ROBO1: variants seen among roughly 807,000 people sequenced by gnomAD.
The protein encoded by ROBO1 is roundabout homolog 1.
Under a neutral mutation model 195.9 loss-of-function variants are expected in ROBO1, and 149 were observed. The ratio of observed to expected loss-of-function variants is 0.76; its 90% confidence interval spans 0.67 to 0.87. The LOEUF (loss-of-function observed/expected upper bound fraction) is 0.87. Among genes scored for constraint, ROBO1 ranks in the 40% least tolerant of loss-of-function variants. The pLI is 0.00. For synonymous variants in ROBO1, 816 were observed against 733.2 expected, an observed-to-expected ratio of 1.11 and a Z score of -1.82; for missense variants, 1,933 against 2,068.3, an observed-to-expected ratio of 0.93 and a Z score of 1.27.
intron 3 of ROBO1, among the ~76,000 whole-genome samples, chr3:78,942,549 T>C (rs1033065820): frequency 2.6e-5 from 4 of 151,838 alleles, no homozygotes; most frequent in Non-Finnish European, 5.9e-5. Flanking sequence ...AGAGTGAAAT[T>C]TGGTAAAAGG....
intron 3 of ROBO1, among the ~76,000 whole-genome samples, chr3:78,957,200 AC>A (rs1430071767): frequency 4.0e-5 from 6 of 151,562 alleles, no homozygotes; most frequent in Admixed American, 4.0e-4. Flanking sequence ...ATAAAATTGA[AC>A]CTTTGTTAAC....
At chr3:78,674,113 T>A (rs141915480) in intron 10 of ROBO1, among the ~76,000 whole-genome samples, 124 of 152,306 alleles carry the variant, frequency 8.1e-4, no homozygotes, top group African/African-American at 2.2e-3. Context: ...TTATACATTA[T>A]GTAGTAATCA....
chr3:79,569,161 A>G (rs1943191245), intron 2 of ROBO1, among the ~76,000 whole-genome samples: 1 of 152,168 alleles, frequency 6.6e-6, no homozygotes, highest in African/African-American at 2.4e-5. Flanking sequence ...CGATTTGTTT[A>G]AAGTTCAAAG....
Position 79,472,833 on chromosome 3 carries a change from TG to T in ROBO1, c.88+116990del, listed in dbSNP as rs139384698. On this transcript the variant is annotated intron_variant, in intron 2 of 30. Transcript: ENST00000464233. ...AAGGAATATTATAATAATTAAGGTT[TG>T]ATGGCTTAGAATTTACTATCGTGAG... Among the ~76,000 whole-genome samples the T allele has an allele frequency of 9.6e-4, 146 of 152,240 alleles. 1 individual carries two copies. Among genetic ancestry groups the T allele is most frequent in the African/African-American group, 3.4e-3 (141 of 41,558 alleles).
rs145691360 is a variant in ROBO1, at chr3:79,624,429, C to T, written c.-50-34468G>A. 4.0e-3 allele frequency among the ~76,000 whole-genome samples: 611 copies of T among 152,078 alleles called. 5 individuals carry two copies. Among genetic ancestry groups the T allele is most frequent in the Middle Eastern group, 0.031 (9 of 294 alleles). ...AATTGGATACAGATTTAAGACCCATCGGTATGCTGTATTCAGGAGACACAC... is the reference window on the plus strand; with the variant it reads ...AATTGGATACAGATTTAAGACCCATTGGTATGCTGTATTCAGGAGACACAC... On this transcript the variant is annotated intron_variant, in intron 1 of 30. Coordinates refer to ENST00000464233, the MANE Select transcript of ROBO1 (RefSeq NM_002941.4).
intron 8 of ROBO1, among the ~76,000 whole-genome samples, chr3:78,697,179 A>G (rs1309457379): frequency 1.3e-5 from 2 of 149,552 alleles, no homozygotes; most frequent in African/African-American, 4.9e-5. Context: ...AAGAATATAC[A>G]TTGCTCAGAC....
At chr3:78,600,577 TATC>T (rs372684138) in intron 29 of ROBO1, among the ~76,000 whole-genome samples, 1 of 152,172 alleles carries the variant, frequency 6.6e-6, no homozygotes, top group African/African-American at 2.4e-5. Context: ...TACAGACCAA[TATC>T]ATTAAAAGAG....
chr3:79,299,630 T>C (rs1398988900), intron 2 of ROBO1, among the ~76,000 whole-genome samples: 1 of 152,136 alleles, frequency 6.6e-6, no homozygotes, highest in Non-Finnish European at 1.5e-5. Flanking sequence ...TTGGAGGAAA[T>C]ATTCTGCCTG....
chr3:79,078,343 G>C (rs960871186), intron 3 of ROBO1, among the ~76,000 whole-genome samples: 1 of 151,720 alleles, frequency 6.6e-6, no homozygotes, highest in Non-Finnish European at 1.5e-5. Flanking sequence ...AATATATGTA[G>C]GTTGTACCCT....
At chr3:79,648,637 T>C (rs989965897) in intron 1 of ROBO1, among the ~76,000 whole-genome samples, 2 of 152,038 alleles carry the variant, frequency 1.3e-5, no homozygotes, top group African/African-American at 4.8e-5. Flanking sequence ...ATGACCACCA[T>C]AAATGGATGG....
At chr3:79,335,904 G>A (rs1165101008) in intron 2 of ROBO1, among the ~76,000 whole-genome samples, 1 of 152,176 alleles carries the variant, frequency 6.6e-6, no homozygotes, top group Non-Finnish European at 1.5e-5. Context: ...ATGAAGTTCA[G>A]GCTGAGGTGG....
At chr3:78,882,864 G>A (rs1455908822) in intron 4 of ROBO1, among the ~76,000 whole-genome samples, 2 of 147,934 alleles carry the variant, frequency 1.4e-5, no homozygotes, top group East Asian at 2.0e-4. Flanking sequence ...CCAGGCTGGA[G>A]TGCAGTGGTG....
intron 1 of ROBO1, among the ~76,000 whole-genome samples, chr3:79,759,559 T>A (rs575431102): frequency 2.2e-4 from 33 of 152,182 alleles, no homozygotes; most frequent in Non-Finnish European, 4.4e-5. Context: ...GAACTAAAAC[T>A]AAGTAAATGA....
At chr3:79,081,128 T>C (rs2079266291) in intron 3 of ROBO1, among the ~76,000 whole-genome samples, 2 of 152,216 alleles carry the variant, frequency 1.3e-5, no homozygotes, top group South Asian at 2.1e-4. Context: ...TAAATAGCCA[T>C]ATACTACCCT....
intron 2 of ROBO1, among the ~76,000 whole-genome samples, chr3:79,564,742 A>G (rs187436536): frequency 6.6e-6 from 1 of 152,178 alleles, no homozygotes; most frequent in East Asian, 1.9e-4. Flanking sequence ...TATATTGTCA[A>G]TGGCTTGGTA....
At chr3:78,980,526 A>T (rs2076969152) in intron 3 of ROBO1, among the ~76,000 whole-genome samples, 1 of 152,226 alleles carries the variant, frequency 6.6e-6, no homozygotes, top group Non-Finnish European at 1.5e-5. Flanking sequence ...CCAAAAACTT[A>T]AATATCTTCT....
chr3:79,187,870 A>C (rs1386832707), intron 2 of ROBO1, among the ~76,000 whole-genome samples: 2 of 152,012 alleles, frequency 1.3e-5, no homozygotes, highest in Admixed American at 6.6e-5. Flanking sequence ...GAGCTGGTAA[A>C]AAAGAAAACT....
chr3:78,771,370 G>A (rs1226477866), intron 4 of ROBO1, among the ~76,000 whole-genome samples: 2 of 152,062 alleles, frequency 1.3e-5, no homozygotes, highest in Non-Finnish European at 2.9e-5. Flanking sequence ...CATTGCTTTG[G>A]AATTCAGGCT....
intron 3 of ROBO1, among the ~76,000 whole-genome samples, chr3:78,973,871 T>A (rs961713932): frequency 2.0e-5 from 3 of 152,024 alleles, no homozygotes; most frequent in Admixed American, 1.3e-4. Context: ...TGTAGTACAG[T>A]CACATTAAGT....
Sources: allele counts gnomAD v4.1 joint callset (sites outside exome capture counted in the v4.1 genomes callset), GRCh38; gene constraint gnomAD v4.1.1; transcripts MANE v1.5; gene names NCBI Gene and HGNC (gene_info 2026-07-23, HGNC 2026-07-21).